The following MAP3K9 variants were observed in gnomAD, a reference collection of about 807,000 sequenced individuals.
MAP3K9 encodes mixed lineage kinase 1 (tyr and ser/thr specificity).
MAP3K9 carries 46 observed loss-of-function variants against 95.8 expected under a neutral mutation model. The ratio of observed to expected loss-of-function variants is 0.48; its 90% CI spans 0.38 to 0.61. MAP3K9 has a LOEUF of 0.61. Among genes scored for constraint, MAP3K9 ranks in the 20% least tolerant of loss-of-function variants. The pLI, the probability that MAP3K9 is intolerant of heterozygous loss-of-function variation, is 0.00. For missense variants in MAP3K9, 1,296 were observed against 1,474.3 expected (o/e 0.88, Z 1.98); for synonymous variants, 533 against 593.8 (o/e 0.90, Z 1.49).
At chr14:70,791,027 C>T (rs1004085114) in intron 2 of MAP3K9, among the ~76,000 whole-genome samples, 2 of 152,186 alleles carry the variant, frequency 1.3e-5, no homozygotes, top group African/African-American at 4.8e-5. Context: ...TGCCACAGAC[C>T]ACCCGCAAAC....
At chr14:70,766,030 T>C (rs1264087369) in intron 2 of MAP3K9, among the ~76,000 whole-genome samples, 1 of 151,646 alleles carries the variant, frequency 6.6e-6, no homozygotes, top group Non-Finnish European at 1.5e-5. Context: ...AAAGACCCAG[T>C]GATTAACCAG....
At chr14:70,765,745 A>T (rs1566749917) in intron 2 of MAP3K9, among the ~76,000 whole-genome samples, 4 of 29,882 alleles carry the variant, frequency 1.3e-4, no homozygotes, top group African/African-American at 4.0e-4. Flanking sequence ...TAAAAAAAAA[A>T]AAAAACAAAA....
intron 2 of MAP3K9, among the ~76,000 whole-genome samples, chr14:70,768,735 A>G (rs946266312): frequency 2.0e-5 from 3 of 152,168 alleles, no homozygotes; most frequent in Non-Finnish European, 4.4e-5. Context: ...ACTTGGCATC[A>G]CTGAGGAGAC....
At chr14:70,757,999 G>GT (rs1390636751) in intron 3 of MAP3K9, among the ~76,000 whole-genome samples, 2 of 152,070 alleles carry the variant, frequency 1.3e-5, no homozygotes, top group African/African-American at 4.8e-5. Flanking sequence ...ACTAGGCAAT[G>GT]TTTTTTAGAT....
chr14:70,798,471 G>GTTTTTTTTTTTT lies in MAP3K9; in HGVS notation c.820+2184_820+2195dup, dbSNP rs1170327816. On this transcript the variant is annotated intron_variant, in intron 2 of 11. Coordinates refer to ENST00000554752, the MANE Select transcript of MAP3K9 (RefSeq NM_001284230.2). ...TTACTTTGAAAAGAGGTCACCAAAA[G>GTTTTTTTTTTTT]TTTTTTTTTTTTTTTTTTTTTTTTT... Among the ~76,000 whole-genome samples the GTTTTTTTTTTTT allele has an allele frequency of 4.9e-4, 32 of 65,434 alleles. 3 individuals carry two copies. Among genetic ancestry groups the GTTTTTTTTTTTT allele is most frequent in the Non-Finnish European group, 6.6e-4 (24 of 36,522 alleles). The allele number at this position is 65,434 out of a possible 152,430, so 42.9% of individuals were successfully genotyped here. A position where few individuals can be genotyped will look rare whatever the true frequency, so the allele number is the denominator to read the frequency against.
At chr14:70,742,854 AAG>A (rs2054093133) in intron 5 of MAP3K9, among the ~76,000 whole-genome samples, 1 of 151,486 alleles carries the variant, frequency 6.6e-6, no homozygotes, top group South Asian at 2.1e-4. Flanking sequence ...AATGGGGGCT[AAG>A]AGTTTCTAGT....
chr14:70,751,733 T>C (rs2054230883), intron 3 of MAP3K9, among the ~76,000 whole-genome samples: 1 of 152,012 alleles, frequency 6.6e-6, no homozygotes, highest in Admixed American at 6.6e-5. Flanking sequence ...TAATCAATAA[T>C]AATAATAAAC....
Position 70,724,177 on chromosome 14 carries a change from G to A in MAP3K9, c.*6203C>T, listed in dbSNP as rs1373096086. 2.0e-5 allele frequency: 3 copies of A among 152,198 alleles called. No individual in the cohort carries two copies. Among genetic ancestry groups the A allele is most frequent in the African/African-American group, 4.8e-5 (2 of 41,448 alleles). 9.4% of individuals were successfully genotyped at this position (152,198 alleles called of 1,614,324 possible). ...AAGAGGTTTAAGAGGAGAATCTAAA[G>A]GAGCCTCTCTGCCATAATCACTTCC... On this transcript the variant is annotated 3_prime_UTR_variant, in exon 12 of 12. Transcript: ENST00000554752.
intron 5 of MAP3K9, among the ~76,000 whole-genome samples, chr14:70,743,044 C>T (rs1466231349): frequency 4.6e-5 from 7 of 151,810 alleles, no homozygotes; most frequent in South Asian, 4.2e-4. Context: ...TGGAGTGCAG[C>T]GGTGCGATCT....
chr14:70,732,832 G>A lies in MAP3K9; in HGVS notation c.2537C>T (p.Thr846Ile). The change falls in exon 11 of 12, where the codon ACA becomes ATA. Residue 846 changes from threonine (T) to isoleucine (I), a missense_variant. By Grantham distance (89) the Thr-to-Ile change is moderately conservative. Transcript: ENST00000554752. ...GCTGTCGGAGCGCAGCAGGGAGCGTGTGGAGTTGCACTCGGAGATGGAGGA... is the reference window on the plus strand; with the variant it reads ...GCTGTCGGAGCGCAGCAGGGAGCGTATGGAGTTGCACTCGGAGATGGAGGA... ...SLSSISECNS[T>I]RSLLRSDSDE... is the part of the protein sequence containing the mutation. 2 of 1,614,100 alleles carry A rather than the reference G, an allele frequency of 1.2e-6. No homozygotes were observed. Among genetic ancestry groups the A allele is most frequent in the Non-Finnish European group, 1.7e-6 (2 of 1,179,980 alleles).
intron 8 of MAP3K9, among the ~76,000 whole-genome samples, chr14:70,736,881 A>G (rs2053993291): frequency 6.6e-6 from 1 of 152,224 alleles, no homozygotes; most frequent in South Asian, 2.1e-4. Context: ...TACAAAGCCT[A>G]GCTTCAGAGA....
chr14:70,781,366 C>A (rs1341837750), intron 2 of MAP3K9, among the ~76,000 whole-genome samples: 1 of 152,224 alleles, frequency 6.6e-6, no homozygotes, highest in Non-Finnish European at 1.5e-5. Context: ...TGTGAACAAC[C>A]TTCAGATGGT....
At chr14:70,780,836 G>C (rs1185510230) in intron 2 of MAP3K9, among the ~76,000 whole-genome samples, 1 of 152,198 alleles carries the variant, frequency 6.6e-6, no homozygotes, top group Non-Finnish European at 1.5e-5. Flanking sequence ...CTACATACCA[G>C]ATAAAAATAA....
chr14:70,782,171 G>T (rs954816810), intron 2 of MAP3K9, among the ~76,000 whole-genome samples: 1 of 152,056 alleles, frequency 6.6e-6, no homozygotes, highest in Non-Finnish European at 1.5e-5. Flanking sequence ...ACACTGTTCT[G>T]GTTGTTTAGG....
At chr14:70,772,716 A>C (rs905409611) in intron 2 of MAP3K9, among the ~76,000 whole-genome samples, 1 of 152,226 alleles carries the variant, frequency 6.6e-6, no homozygotes, top group Admixed American at 6.5e-5. Context: ...TGTGTTGATT[A>C]AGAAGAAAAT....
intron 2 of MAP3K9, among the ~76,000 whole-genome samples, chr14:70,772,471 C>A (rs995098766): frequency 6.6e-6 from 1 of 152,054 alleles, no homozygotes; most frequent in African/African-American, 2.4e-5. Flanking sequence ...ATGCCTATAA[C>A]CTGAAGAGGA....
rs769899778 is a variant in MAP3K9 at position 70,801,040 on chromosome 14, A to G, written c.447T>C (p.Ile149=). 1 of 1,614,152 alleles carries G rather than the reference A, an allele frequency of 6.2e-7. No homozygotes were observed. The highest frequency in any genetic ancestry group is 8.5e-7 in the Non-Finnish European group (1 of 1,179,988). ...IDFAELTLEE[I]IGIGGFGKVY... ...CCTTCCCAAAGCCCCCGATGCCAAT[A>G]ATCTCTTCCAAGGTGAGCTCCGCAA... Residue 149 remains isoleucine (I), a synonymous_variant, in exon 2 of 12, where the codon ATT becomes ATC. Coordinates refer to ENST00000554752, the MANE Select transcript of MAP3K9 (RefSeq NM_001284230.2).
intron 2 of MAP3K9, among the ~76,000 whole-genome samples, chr14:70,766,741 A>T (rs1026547968): frequency 1.3e-5 from 2 of 152,182 alleles, no homozygotes; most frequent in Non-Finnish European, 2.9e-5. Flanking sequence ...GATCTGTCTG[A>T]CTTCAGAACC....
Position 70,801,082 on chromosome 14 carries a change from TGAGA to T in MAP3K9, c.407-6_407-3del. The T allele has an allele frequency of 6.3e-7, 1 of 1,592,668 alleles. No individual in the cohort carries two copies. The highest frequency in any genetic ancestry group is 1.8e-5 in the Admixed American group (1 of 57,016). ...GCTCCGCAAAATCAATTTCTAACAC[TGAGA>T]AAGGGAAGAAAAAAAGAAGCAAGTC... is the stretch of plus-strand genomic sequence containing the variant. On this transcript the variant is annotated splice_region_variant and splice_polypyrimidine_tract_variant and intron_variant, in intron 1 of 11. Coordinates refer to ENST00000554752, the MANE Select transcript of MAP3K9 (RefSeq NM_001284230.2).
Sources: allele counts gnomAD v4.1 joint callset (sites outside exome capture counted in the v4.1 genomes callset), GRCh38; gene constraint gnomAD v4.1.1; transcripts MANE v1.5; gene names NCBI Gene and HGNC (gene_info 2026-07-23, HGNC 2026-07-21).